Variants in ANKS1B observed in about 807,000 individuals in gnomAD.
ANKS1B encodes ankyrin repeat and sterile alpha motif domain-containing protein 1B.
A neutral mutation model predicts 148.3 loss-of-function variants in ANKS1B; 36 were observed. The observed-to-expected ratio is 0.24, with a 90% confidence interval of 0.19 to 0.32. The LOEUF (loss-of-function observed/expected upper bound fraction) is 0.32. Ranked by LOEUF, ANKS1B falls within the 10% of genes least tolerant of loss-of-function variation. The pLI is 1.00. For synonymous variants in ANKS1B, 542 were observed against 560.8 expected (o/e 0.97, Z 0.47); for missense variants, 1,157 against 1,542.6 (o/e 0.75, Z 4.19).
chr12:99,859,286 A>G (rs933809855), intron 1 of ANKS1B, among the ~76,000 whole-genome samples: 1 of 152,234 alleles, frequency 6.6e-6, no homozygotes, highest in African/African-American at 2.4e-5. Flanking sequence ...CTAACAGTGA[A>G]GAACTCTTGC....
chr12:98,974,020 C>T (rs1194024303), intron 17 of ANKS1B, among the ~76,000 whole-genome samples: 1 of 152,114 alleles, frequency 6.6e-6, no homozygotes, highest in East Asian at 1.9e-4. Flanking sequence ...AAAACACAAC[C>T]CTTGTGGATA....
At chr12:99,376,797 G>A (rs1566983971) in intron 12 of ANKS1B, among the ~76,000 whole-genome samples, 1 of 152,082 alleles carries the variant, frequency 6.6e-6, no homozygotes, top group Non-Finnish European at 1.5e-5. Flanking sequence ...GCAAATTAAA[G>A]TAAGTTGCCA....
chr12:99,581,534 A>C (rs1002519128), intron 9 of ANKS1B, among the ~76,000 whole-genome samples: 1 of 152,242 alleles, frequency 6.6e-6, no homozygotes, highest in African/African-American at 2.4e-5. Context: ...TCATAAAATA[A>C]AAGACTGATA....
intron 8 of ANKS1B, among the ~76,000 whole-genome samples, chr12:99,679,801 C>T (rs1176802856): frequency 1.3e-5 from 2 of 152,154 alleles, no homozygotes; most frequent in Non-Finnish European, 1.5e-5. Flanking sequence ...GACTTGAAAT[C>T]CTGCCTAAAT....
At chr12:99,496,547 G>A (rs543708071) in intron 10 of ANKS1B, among the ~76,000 whole-genome samples, 2 of 152,280 alleles carry the variant, frequency 1.3e-5, no homozygotes, top group East Asian at 3.9e-4. Context: ...TATTTAATAA[G>A]TCCAGTACTA....
At chr12:99,760,628 A>G (rs2061998295) in intron 8 of ANKS1B, among the ~76,000 whole-genome samples, 1 of 151,772 alleles carries the variant, frequency 6.6e-6, no homozygotes, top group Non-Finnish European at 1.5e-5. Context: ...ATCTAACATC[A>G]CACCCAGAGG....
intron 9 of ANKS1B, among the ~76,000 whole-genome samples, chr12:99,604,380 A>T (rs2097833142): frequency 6.6e-6 from 1 of 152,084 alleles, no homozygotes; most frequent in African/African-American, 2.4e-5. Context: ...TTTGAGGCCA[A>T]CTGGAAAATC....
At position 98,764,618 on chromosome 12, in the gene ANKS1B, A is replaced by G. The variant is rs562654320; in HGVS notation, c.3579+8424T>C. 7.9e-4 allele frequency among the ~76,000 whole-genome samples: 120 copies of G among 152,346 alleles called. 2 individuals are homozygous for G. In the South Asian group the frequency reaches 0.011, roughly 14 times the overall value. On this transcript the variant is annotated intron_variant, in intron 25 of 26. Transcript: ENST00000683438. ...CCCTTGTTGTTTAAATCTTTCTCAA[A>G]TGGATATGCCTGTTTCCTTGGTTTA...
At position 99,242,464 on chromosome 12, in the gene ANKS1B, C is replaced by T. The variant is rs1037152210; in HGVS notation, c.2419+1878G>A. Among the ~76,000 whole-genome samples the T allele has an allele frequency of 4.4e-4, 67 of 152,168 alleles. 1 individual carries two copies. The highest frequency in any genetic ancestry group is 1.6e-3 in the African/African-American group (65 of 41,424). On this transcript the variant is annotated intron_variant, in intron 14 of 26. Transcript: ENST00000683438. ...AATCAATATCGTGAAAATGGCCACA[C>T]CACCCAAGGTAATTTATAGATTCAA... is the stretch of plus-strand genomic sequence containing the variant.
chr12:98,989,974 AAGG>A (rs1209825026), intron 17 of ANKS1B, among the ~76,000 whole-genome samples: 3 of 151,974 alleles, frequency 2.0e-5, no homozygotes, highest in Non-Finnish European at 4.4e-5. Context: ...AAAAAAAAGA[AAGG>A]AGGGAGGGAG....
chr12:99,154,350 A>G lies in ANKS1B; in HGVS notation c.2465T>C (p.Ile822Thr), dbSNP rs773428468. The change falls in exon 15 of 27, where the codon ATT (isoleucine) becomes ACT (threonine). Residue 822 changes from isoleucine (I) to threonine (T), a missense_variant. Ile to Thr is a moderately conservative substitution (Grantham distance 89). Transcript: ENST00000683438. ...VQTVGQWLES[I>T]GLPQYENHLM... ...GTGGTTCTCGTACTGAGGTAGCCCA[A>G]TGCTTTCCAACCATTGTCCCACTGT... The G allele has an allele frequency of 1.3e-5, 21 of 1,613,674 alleles. No homozygotes were observed. The highest frequency in any genetic ancestry group is 3.3e-5 in the Admixed American group (2 of 59,974).
chr12:98,853,539 G>A (rs891035745), intron 17 of ANKS1B, among the ~76,000 whole-genome samples: 3 of 152,174 alleles, frequency 2.0e-5, no homozygotes, highest in African/African-American at 7.2e-5. Flanking sequence ...AGAACTTTCG[G>A]TGTTTGCATT....
At chr12:99,404,533 A>G (rs1277918300) in intron 11 of ANKS1B, among the ~76,000 whole-genome samples, 4 of 145,894 alleles carry the variant, frequency 2.7e-5, no homozygotes, top group Non-Finnish European at 4.5e-5. Context: ...ATCTGTTAAA[A>G]GCAGAATTGA....
intron 9 of ANKS1B, among the ~76,000 whole-genome samples, chr12:99,579,895 C>G (rs888153937): frequency 6.6e-6 from 1 of 152,002 alleles, no homozygotes; most frequent in Non-Finnish European, 1.5e-5. Context: ...AAAAAATGTA[C>G]ACTCATATGT....
At chr12:99,306,665 C>G (rs571647174) in intron 12 of ANKS1B, among the ~76,000 whole-genome samples, 1 of 152,102 alleles carries the variant, frequency 6.6e-6, no homozygotes, top group South Asian at 2.1e-4. Flanking sequence ...AAAGAGGCTA[C>G]CACTTCTGGT....
At chr12:99,459,144 G>A (rs2095900938) in intron 10 of ANKS1B, among the ~76,000 whole-genome samples, 1 of 152,014 alleles carries the variant, frequency 6.6e-6, no homozygotes, top group Admixed American at 6.5e-5. Context: ...CACATAAACA[G>A]AATTAAAAAC....
chr12:99,675,159 G>C (rs1300355452), intron 8 of ANKS1B, among the ~76,000 whole-genome samples: 1 of 151,978 alleles, frequency 6.6e-6, no homozygotes, highest in African/African-American at 2.4e-5. Flanking sequence ...TGAAGGATAA[G>C]TTGGTAGTAT....
chr12:98,800,119 G>C (rs2098988736), intron 21 of ANKS1B, among the ~76,000 whole-genome samples: 1 of 150,518 alleles, frequency 6.6e-6, no homozygotes, highest in Non-Finnish European at 1.5e-5. Flanking sequence ...GGAGGGAGGA[G>C]CCATTTCAAT....
intron 17 of ANKS1B, among the ~76,000 whole-genome samples, chr12:98,891,180 C>T (rs1389063606): frequency 6.6e-6 from 1 of 152,132 alleles, no homozygotes; most frequent in Non-Finnish European, 1.5e-5. Context: ...TTAGAACTTG[C>T]ACTTTTGCTT....
Sources: allele counts gnomAD v4.1 joint callset (sites outside exome capture counted in the v4.1 genomes callset), GRCh38; gene constraint gnomAD v4.1.1; transcripts MANE v1.5; gene names NCBI Gene and HGNC (gene_info 2026-07-23, HGNC 2026-07-21).